Variants in OR1A1 observed in about 807,000 individuals in gnomAD.
OR1A1 encodes the protein olfactory receptor family 1 subfamily A member 1.
For missense variants in OR1A1, 391 were observed against 379.9 expected, an observed-to-expected ratio of 1.03 and a Z score of -0.24; for synonymous variants, 145 against 147.8, an observed-to-expected ratio of 0.98 and a Z score of 0.13.
rs980360728 is a variant in OR1A1, at chr17:3,216,273, T to C, written c.653T>C (p.Ile218Thr). ...VPLLCIIVSYIRVFSTVFQVP... is the reference protein window; with the variant it reads ...VPLLCIIVSYTRVFSTVFQVP... The stretch of plus-strand genomic sequence containing the variant: ...TTACTATGCATCATTGTCTCCTATA[T>C]TCGAGTCTTCTCCACAGTCTTCCAG... The change falls in exon 4 of 4, where the codon ATT becomes ACT. Residue 218 changes from isoleucine (I) to threonine (T), a missense_variant. By Grantham distance (89) the Ile-to-Thr change is moderately conservative. Coordinates refer to ENST00000641732, the MANE Select transcript of OR1A1 (RefSeq NM_014565.3). The C allele has an allele frequency of 1.9e-6, 3 of 1,614,102 alleles. No individual in the cohort carries two copies. Among genetic ancestry groups the C allele is most frequent in the Non-Finnish European group, 2.5e-6 (3 of 1,180,038 alleles).
Position 3,216,709 on chromosome 17 carries a change from G to A in OR1A1, c.*159G>A, listed in dbSNP as rs1435878008. 1 of 595,122 alleles carries A rather than the reference G, an allele frequency of 1.7e-6. No individual in the cohort carries two copies. Among genetic ancestry groups the A allele is most frequent in the Admixed American group, 3.2e-5 (1 of 30,812 alleles). 36.9% of individuals were successfully genotyped at this position (595,122 alleles called of 1,614,324 possible). ...TAACATTTTAATAAGTTAATAATAA[G>A]TGATTATTGAAATTACCACTTTCAA... is the stretch of plus-strand genomic sequence containing the variant. On this transcript the variant is annotated 3_prime_UTR_variant, in exon 4 of 4. Transcript: ENST00000641732.
chr17:3,216,659 G>A lies in OR1A1; in HGVS notation c.*109G>A. 1.2e-6 allele frequency: 1 copy of A among 802,932 alleles called. No homozygotes were observed. The highest frequency in any genetic ancestry group is 1.9e-6 in the Non-Finnish European group (1 of 514,924). 49.7% of individuals were successfully genotyped at this position (802,932 alleles called of 1,614,324 possible). A position where few individuals can be genotyped will look rare whatever the true frequency, so the allele number is the denominator to read the frequency against. Reference sequence around the variant, plus strand: ...AGGCAGTCTCTGATCTTTCTAGCCTGAAATTCCTAATCTCAGAACTCTTAT... The same window carrying A: ...AGGCAGTCTCTGATCTTTCTAGCCTAAAATTCCTAATCTCAGAACTCTTAT... On this transcript the variant is annotated 3_prime_UTR_variant, in exon 4 of 4. Transcript: ENST00000641732.
rs2048468526 is a variant in OR1A1 at position 3,216,233 on chromosome 17, A to G, written c.613A>G (p.Ile205Val). 6.2e-7 allele frequency: 1 copy of G among 1,614,006 alleles called. No homozygotes were observed. The highest frequency in any genetic ancestry group is 8.5e-7 in the Non-Finnish European group (1 of 1,180,012). ...GAAGATGATGTACCTAGGGGTTGGCATTTTCTCTGTGCCATTACTATGCAT... is the reference window on the plus strand; with the variant it reads ...GAAGATGATGTACCTAGGGGTTGGCGTTTTCTCTGTGCCATTACTATGCAT... The part of the protein sequence containing the change: ...HVKMMYLGVG[I>V]FSVPLLCIIV... The change falls in exon 4 of 4, where the codon ATT (isoleucine) becomes GTT (valine). Residue 205 changes from isoleucine (I) to valine (V), a missense_variant. Physicochemically the swap from Ile to Val is conservative, Grantham distance 29 (BLOSUM62 3). Coordinates refer to ENST00000641732, the MANE Select transcript of OR1A1 (RefSeq NM_014565.3).
intron 2 of OR1A1, among the ~76,000 whole-genome samples, chr17:3,211,080 T>C (rs1297011363): frequency 6.6e-6 from 1 of 152,196 alleles, no homozygotes; most frequent in Non-Finnish European, 1.5e-5. Flanking sequence ...GTCCAATGAC[T>C]CTGGGCTAAA....
Position 3,216,407 on chromosome 17 carries a change from A to G in OR1A1, c.787A>G (p.Thr263Ala), listed in dbSNP as rs747460184. ...CATGGGCACGTATTTCCGCCCTTTG[A>G]CCAATTATAGCCTAAAAGACGCAGT... is the stretch of plus-strand genomic sequence containing the variant. ...TVMGTYFRPL[T>A]NYSLKDAVIT... Residue 263 changes from threonine (T) to alanine (A), a missense_variant, in exon 4 of 4, where the codon ACC becomes GCC. By Grantham distance (58) the Thr-to-Ala change is moderately conservative. Coordinates refer to ENST00000641732, the MANE Select transcript of OR1A1 (RefSeq NM_014565.3). The G allele has an allele frequency of 2.0e-5, 33 of 1,613,930 alleles. 1 individual carries two copies. Among genetic ancestry groups the G allele is most frequent in the Middle Eastern group, 1.6e-4 (1 of 6,084 alleles).
chr17:3,214,202 C>T (rs955539058), intron 3 of OR1A1: 1 of 152,052 alleles, frequency 6.6e-6, no homozygotes, highest in African/African-American at 2.4e-5. Flanking sequence ...TTGATACATA[C>T]AATAGAAAAT....
In OR1A1 at chr17:3,216,541, C is replaced by A. The variant is rs2048471204; in HGVS notation, c.921C>A (p.Ile307=). ...TGCGGAAACTCTTCAACAAGAGAATCTCCTCGTAACCAATGTGAGGGCCTA... is the reference window on the plus strand; with the variant it reads ...TGCGGAAACTCTTCAACAAGAGAATATCCTCGTAACCAATGTGAGGGCCTA... ...AALRKLFNKR[I]SS Residue 307 remains isoleucine (I), a synonymous_variant, in exon 4 of 4, where the codon ATC becomes ATA. Transcript: ENST00000641732. 3 of 1,610,130 alleles carry A rather than the reference C, an allele frequency of 1.9e-6. No individual in the cohort carries two copies. Among genetic ancestry groups the A allele is most frequent in the South Asian group, 2.2e-5 (2 of 90,738 alleles).
chr17:3,216,079 T>C lies in OR1A1; in HGVS notation c.459T>C (p.Asn153=), dbSNP rs2048467299. 1.2e-6 allele frequency: 2 copies of C among 1,614,140 alleles called. No homozygotes were observed. Among genetic ancestry groups the C allele is most frequent in the Non-Finnish European group, 1.7e-6 (2 of 1,180,014 alleles). The change falls in exon 4 of 4, where the codon AAT becomes AAC. Residue 153 remains asparagine, a synonymous_variant. Coordinates refer to ENST00000641732, the MANE Select transcript of OR1A1 (RefSeq NM_014565.3). ...WLIAGSWVIG[N]ANALPHTLLT... is the part of the protein sequence containing the mutation. ...TTGCTGGGTCTTGGGTGATTGGAAA[T>C]GCCAATGCCCTCCCCCACACTCTGC...
rs2048481758 is a variant in OR1A1 at position 3,218,473 on chromosome 17, T to A, written c.*1923T>A. On this transcript the variant is annotated 3_prime_UTR_variant, in exon 4 of 4. Coordinates refer to ENST00000641732, the MANE Select transcript of OR1A1 (RefSeq NM_014565.3). ...TACTATAAAGACACATGCACAAGTA[T>A]ATTTATTGTGGCACTGTTCACAGTA... 6.6e-6 allele frequency: 1 copy of A among 152,218 alleles called. No individual in the cohort carries two copies. The highest frequency in any genetic ancestry group is 6.5e-5 in the Admixed American group (1 of 15,284). 9.4% of individuals were successfully genotyped at this position (152,218 alleles called of 1,614,324 possible). A position where few individuals can be genotyped will look rare whatever the true frequency, so the allele number is the denominator to read the frequency against.
In OR1A1 at chr17:3,218,313, T is replaced by C. The variant is rs993528259; in HGVS notation, c.*1763T>C. 6.6e-6 allele frequency: 1 copy of C among 152,206 alleles called. No homozygotes were observed. Among genetic ancestry groups the C allele is most frequent in the Non-Finnish European group, 1.5e-5 (1 of 68,038 alleles). The allele number at this position is 152,206 out of a possible 1,614,324, so 9.4% of individuals were successfully genotyped here. On this transcript the variant is annotated 3_prime_UTR_variant, in exon 4 of 4. Coordinates refer to ENST00000641732, the MANE Select transcript of OR1A1 (RefSeq NM_014565.3). ...TGGAGAAATAGGAAGGTTTTTACAC[T>C]GTTGGTGGGAGTGTAAATTAGTTCA...
Position 3,208,905 on chromosome 17 carries a change from C to T in OR1A1, c.-232C>T, listed in dbSNP as rs1004090672. On this transcript the variant is annotated 5_prime_UTR_variant, in exon 2 of 4. Coordinates refer to ENST00000641732, the MANE Select transcript of OR1A1 (RefSeq NM_014565.3). Reference sequence around the variant, plus strand: ...TAAATGAAACATGAACTTGAGCCACCCAGCTCCATCGCTGTCCTCTGGACC... The same window carrying T: ...TAAATGAAACATGAACTTGAGCCACTCAGCTCCATCGCTGTCCTCTGGACC... 3 of 152,118 alleles carry T rather than the reference C, an allele frequency of 2.0e-5. No individual in the cohort carries two copies. The highest frequency in any genetic ancestry group is 7.2e-5 in the African/African-American group (3 of 41,398). 9.4% of individuals were successfully genotyped at this position (152,118 alleles called of 1,614,324 possible).
intron 3 of OR1A1, chr17:3,212,837 G>C (rs964111875): frequency 1.3e-5 from 2 of 152,304 alleles, no homozygotes; most frequent in African/African-American, 4.8e-5. Context: ...CTGGAGAGAG[G>C]GTTCTTGGAG....
Position 3,216,577 on chromosome 17 carries a change from C to T in OR1A1, c.*27C>T, listed in dbSNP as rs17174920. The T allele has an allele frequency of 0.47, 722,532 of 1,542,558 alleles. 173,281 individuals are homozygous for T. Among genetic ancestry groups the T allele is most frequent in the South Asian group, 0.5 (42,641 of 85,172 alleles). ...CAATGTGAGGGCCTACATTGGATAC[C>T]GTAGTCACCAGTTACGGTATATTGG... On this transcript the variant is annotated 3_prime_UTR_variant, in exon 4 of 4. Transcript: ENST00000641732.
chr17:3,210,648 T>A (rs998478435), intron 2 of OR1A1, among the ~76,000 whole-genome samples: 1 of 152,112 alleles, frequency 6.6e-6, no homozygotes, highest in Non-Finnish European at 1.5e-5. Context: ...CTTTGTCACT[T>A]AGGCTGGAGT....
chr17:3,215,844 C>T lies in OR1A1; in HGVS notation c.224C>T (p.Ser75Leu), dbSNP rs772402283. 5.1e-5 allele frequency: 83 copies of T among 1,614,058 alleles called. No individual in the cohort carries two copies. Among genetic ancestry groups the T allele is most frequent in the Middle Eastern group, 1.6e-4 (1 of 6,082 alleles). Residue 75 changes from serine (S) to leucine (L), a missense_variant, in exon 4 of 4, where the codon TCG becomes TTG. Ser to Leu is a moderately radical substitution (Grantham distance 145). Transcript: ENST00000641732. Reference sequence around the variant, plus strand: ...TCCTTGGTTGACATCTTCTTCTCATCGGTAACCATCCCTAAGATGCTGGCC... The same window carrying T: ...TCCTTGGTTGACATCTTCTTCTCATTGGTAACCATCCCTAAGATGCTGGCC... ...NLSLVDIFFS[S>L]VTIPKMLANH...
At chr17:3,210,439 A>G (rs1485193309) in intron 2 of OR1A1, among the ~76,000 whole-genome samples, 2 of 152,204 alleles carry the variant, frequency 1.3e-5, no homozygotes, top group Non-Finnish European at 2.9e-5. Context: ...TGGAATTGTC[A>G]GAGTTTTACA....
In OR1A1 at chr17:3,209,018, CTTT is replaced by C. The variant is rs1368852335; in HGVS notation, c.-139+23_-139+25del. On this transcript the variant is annotated intron_variant, in intron 2 of 3. Coordinates refer to ENST00000641732, the MANE Select transcript of OR1A1 (RefSeq NM_014565.3). Reference sequence around the variant, plus strand: ...CATTAGGTATTTGCTCCAACTGTTTCTTTTTAATTTTTTTAAATTATTTTATTT... The same window carrying C: ...CATTAGGTATTTGCTCCAACTGTTTCTTAATTTTTTTAAATTATTTTATTT... 1 of 139,366 alleles carries C rather than the reference CTTT, an allele frequency of 7.2e-6. No individual in the cohort carries two copies. Among genetic ancestry groups the C allele is most frequent in the African/African-American group, 2.5e-5 (1 of 40,312 alleles). 8.6% of individuals were successfully genotyped at this position (139,366 alleles called of 1,614,324 possible).
intron 2 of OR1A1, among the ~76,000 whole-genome samples, chr17:3,211,632 A>C (rs1449807491): frequency 6.6e-6 from 1 of 152,142 alleles, no homozygotes; most frequent in Non-Finnish European, 1.5e-5. Flanking sequence ...CACCGTGCCC[A>C]GTCTCCTACA....
chr17:3,208,170 GATAT>G (rs10579673), intron 1 of OR1A1, among the ~76,000 whole-genome samples, 170 bp downstream of exon 1: 5 of 150,896 alleles, frequency 3.3e-5, no homozygotes, highest in East Asian at 2.0e-4. Flanking sequence ...TAGAGATAGA[GATAT>G]ATATATAGAG....
Sources: gnomAD v4.1 joint callset for allele counts (sites outside exome capture counted in the v4.1 genomes callset) on GRCh38, gnomAD v4.1.1 for gene constraint, MANE v1.5 for transcripts, NCBI Gene and HGNC (gene_info 2026-07-23, HGNC 2026-07-21) for gene names.